The following KIF15 variants were observed in gnomAD, a reference collection of about 807,000 sequenced individuals.
KIF15 encodes the protein kinesin-like protein KIF15.
A neutral mutation model predicts 190.6 loss-of-function variants in KIF15; 140 were observed. The observed-to-expected ratio is 0.73, with a 90% CI of 0.64 to 0.84. KIF15 has a LOEUF of 0.84. KIF15 is among the 40% of genes least tolerant of loss of function. The pLI, the probability that KIF15 is intolerant of heterozygous loss-of-function variation, is 0.00. For synonymous variants in KIF15, 528 were observed against 551.3 expected (o/e 0.96, Z 0.59); for missense variants, 1,372 against 1,584.4 (o/e 0.87, Z 2.28).
At chr3:44,822,506 A>G (rs1697400116) in intron 20 of KIF15, among the ~76,000 whole-genome samples, 1 of 152,072 alleles carries the variant, frequency 6.6e-6, no homozygotes, top group African/African-American at 2.4e-5. Flanking sequence ...CTCGAGGAGT[A>G]TATTTGTGGT....
chr3:44,803,129 A>G (rs976211471), intron 14 of KIF15, 138 bp downstream of exon 14: 1 of 587,928 alleles, frequency 1.7e-6, no homozygotes, highest in Non-Finnish European at 2.7e-6. Context: ...ATTCTTTTAT[A>G]TTATAGAAAG....
rs767925206 is a variant in KIF15, at chr3:44,801,898, G to A, written c.1433G>A (p.Arg478Gln). ...IRLEKLHKES[R>Q]GGFLPEEQDR... is the part of the protein sequence containing the mutation. ...TTGGAAAAGCTCCACAAGGAATCCC[G>A]GGGAGGTTTTCTGCCTGAGGAGCAG... The change falls in exon 13 of 35, where the codon CGG (arginine) becomes CAG (glutamine). Residue 478 changes from arginine (R) to glutamine (Q), a missense_variant. Coordinates refer to ENST00000326047, the MANE Select transcript of KIF15 (RefSeq NM_020242.3). 8.1e-6 allele frequency: 13 copies of A among 1,613,766 alleles called. No homozygotes were observed. The highest frequency in any genetic ancestry group is 3.3e-5 in the South Asian group (3 of 91,036).
At chr3:44,860,842 ATTT>A (rs140980322) in intron 6 of KIF15, among the ~76,000 whole-genome samples, 1 of 152,162 alleles carries the variant, frequency 6.6e-6, no homozygotes, top group Non-Finnish European at 1.5e-5. Flanking sequence ...ATATTCTATA[ATTT>A]TTTTAACATT....
intron 18 of KIF15, among the ~76,000 whole-genome samples, chr3:44,812,509 A>G (rs745687253): frequency 1.1e-4 from 16 of 152,230 alleles, no homozygotes; most frequent in Non-Finnish European, 2.4e-4. Flanking sequence ...TGAGACAGGC[A>G]TGCATAGTCT....
At chr3:44,834,749 C>T (rs2125705171) in intron 26 of KIF15, among the ~76,000 whole-genome samples, 1 of 151,164 alleles carries the variant, frequency 6.6e-6, no homozygotes, top group African/African-American at 2.4e-5. Context: ...ACGGTGAAAC[C>T]CCGTCTCTAC....
At chr3:44,803,164 T>C (rs988302472) in intron 14 of KIF15, among the ~76,000 whole-genome samples, 173 bp downstream of exon 14, 1 of 152,202 alleles carries the variant, frequency 6.6e-6, no homozygotes, top group Non-Finnish European at 1.5e-5. Flanking sequence ...TTTCTTTTTC[T>C]CAAAAATCAC....
chr3:44,786,064 A>G (rs980592558), intron 6 of KIF15, among the ~76,000 whole-genome samples: 9 of 152,086 alleles, frequency 5.9e-5, no homozygotes, highest in African/African-American at 2.2e-4. Flanking sequence ...AAAATACAAA[A>G]AATTAGCCGG....
intron 29 of KIF15, among the ~76,000 whole-genome samples, chr3:44,842,867 A>C (rs1323883677): frequency 4.6e-5 from 7 of 152,204 alleles, no homozygotes; most frequent in African/African-American, 7.2e-5. Context: ...CTTTATTCAC[A>C]AAGGAATTTT....
chr3:44,783,513 T>C (rs1706264961), intron 5 of KIF15, among the ~76,000 whole-genome samples: 1 of 152,134 alleles, frequency 6.6e-6, no homozygotes, highest in African/African-American at 2.4e-5. Flanking sequence ...GACCCAAAAA[T>C]GTCCCAGCAG....
chr3:44,827,523 C>T lies in KIF15; in HGVS notation c.2851C>T (p.Gln951Ter), dbSNP rs376737769. Residue 951 changes from glutamine to a stop codon, truncating the protein, a stop_gained, in exon 23 of 35, where the codon CAG (glutamine) becomes TAG (stop). Transcript: ENST00000326047. LOFTEE classifies it high-confidence loss of function. ...EKQKETAKCE[Q>*]QMAKVQKLEE... ...ACAGAAAGAGACGGCCAAGTGTGAG[C>T]AGCAGGTAAAATTCCTGTTACTCTA... 2 of 1,606,992 alleles carry T rather than the reference C, an allele frequency of 1.2e-6. No homozygotes were observed. The highest frequency in any genetic ancestry group is 1.7e-6 in the Non-Finnish European group (2 of 1,173,948).
chr3:44,807,208 G>A (rs1197691624), intron 16 of KIF15, among the ~76,000 whole-genome samples: 2 of 151,986 alleles, frequency 1.3e-5, no homozygotes, highest in African/African-American at 4.8e-5. Flanking sequence ...GGTAATTTAT[G>A]TGACTGAAAT....
chr3:44,802,074 T>TA, intron 13 of KIF15, 100 bp downstream of exon 13: 3 of 785,958 alleles, frequency 3.8e-6, no homozygotes, highest in Non-Finnish European at 4.0e-6. Flanking sequence ...ATGGAAATTG[T>TA]TTTAAGTGAA....
chr3:44,851,993 T>C (rs751987260), intron 33 of KIF15, 41 bp downstream of exon 33: 2 of 1,578,912 alleles, frequency 1.3e-6, no homozygotes, highest in Admixed American at 3.6e-5. Context: ...CTTAGAACAC[T>C]CAAATGAATA....
In KIF15 at chr3:44,868,039, C is replaced by A. The variant is rs532853465; in HGVS notation, c.*60-5290C>A. On this transcript the variant is annotated intron_variant and NMD_transcript_variant, in intron 6 of 6. Transcript: ENST00000422209. ...TTTAGTAGATTCACAAAGTTTTCGA[C>A]CATTACCGCTAGCTAATTCCAGAAC... Among the ~76,000 whole-genome samples the A allele has an allele frequency of 2.6e-5, 4 of 152,258 alleles. No individual in the cohort carries two copies. In the South Asian group the frequency reaches 8.3e-4, roughly 32 times the overall value.
Position 44,775,280 on chromosome 3 carries a change from T to C in KIF15, c.89T>C (p.Phe30Ser), listed in dbSNP as rs1705821032. The C allele has an allele frequency of 3.7e-6, 6 of 1,613,714 alleles. No individual in the cohort carries two copies. The highest frequency in any genetic ancestry group is 1.3e-5 in the African/African-American group (1 of 74,886). Residue 30 changes from phenylalanine to serine, a missense_variant, in exon 3 of 35, where the codon TTT (phenylalanine) becomes TCT (serine). By Grantham distance (155) the Phe-to-Ser change is radical. Transcript: ENST00000326047. ...PSNEGDAIKV[F>S]VRIRPPAERS... ...AATGAAGGTGATGCCATCAAAGTTTTTGTGCGAATTCGTCCTCCTGCAGAA... is the reference window on the plus strand; with the variant it reads ...AATGAAGGTGATGCCATCAAAGTTTCTGTGCGAATTCGTCCTCCTGCAGAA...
chr3:44,841,430 C>T (rs1288293955), intron 29 of KIF15, among the ~76,000 whole-genome samples, 192 bp downstream of exon 29: 1 of 151,052 alleles, frequency 6.6e-6, no homozygotes, highest in Non-Finnish European at 1.5e-5. Flanking sequence ...CGGAGTCTGC[C>T]TCTGTCGCCC....
chr3:44,800,432 C>G lies in KIF15; in HGVS notation c.1217C>G (p.Thr406Ser), dbSNP rs1332744122. 1.9e-6 allele frequency: 3 copies of G among 1,613,874 alleles called. No individual in the cohort carries two copies. The highest frequency in any genetic ancestry group is 1.7e-6 in the Non-Finnish European group (2 of 1,179,912). The change falls in exon 11 of 35, where the codon ACC becomes AGC. Residue 406 changes from threonine to serine, a missense_variant. Coordinates refer to ENST00000326047, the MANE Select transcript of KIF15 (RefSeq NM_020242.3). ...SGQTPPESFL[T>S]RDKKKTNYME... ...CAGACACCACCAGAAAGCTTCCTGA[C>G]CAGAGGTAGGATGAGCACACAGTCC...
At chr3:44,798,043 A>G in intron 10 of KIF15, 87 bp downstream of exon 10, 3 of 1,181,110 alleles carry the variant, frequency 2.5e-6, no homozygotes, top group Non-Finnish European at 3.5e-6. Flanking sequence ...CCTAATATTA[A>G]CATTAACTTT....
chr3:44,834,458 A>G (rs963295014), intron 26 of KIF15, among the ~76,000 whole-genome samples: 15 of 152,232 alleles, frequency 9.9e-5, no homozygotes, highest in Non-Finnish European at 1.9e-4. Context: ...AGTCTTAAAA[A>G]TAATATTTAC....
Sources: allele counts gnomAD v4.1 joint callset (sites outside exome capture counted in the v4.1 genomes callset), GRCh38; gene constraint gnomAD v4.1.1; transcripts MANE v1.5; gene names NCBI Gene and HGNC (gene_info 2026-07-23, HGNC 2026-07-21).